The following CLYBL variants were observed in gnomAD, a reference collection of about 807,000 sequenced individuals.
CLYBL encodes the protein citramalyl-CoA lyase, mitochondrial.
CLYBL carries 31 observed loss-of-function variants against 38.9 expected under a neutral mutation model. The ratio of observed to expected loss-of-function variants is 0.80; its 90% confidence interval spans 0.60 to 1.08. CLYBL has a LOEUF of 1.08. Ranked by LOEUF, CLYBL falls within the 50% of genes least tolerant of loss-of-function variation. CLYBL has a pLI of 0.00. For missense variants in CLYBL, 434 were observed against 411.6 expected (o/e 1.05, Z -0.47); for synonymous variants, 171 against 158.6 (o/e 1.08, Z -0.59).
At chr13:99,787,971 A>G (rs1364869131) in intron 2 of CLYBL, among the ~76,000 whole-genome samples, 5 of 151,770 alleles carry the variant, frequency 3.3e-5, no homozygotes, top group Admixed American at 2.0e-4. Context: ...ATTGTGAATG[A>G]GAGTTCACTC....
At chr13:99,857,647 TC>T (rs1207787943) in intron 2 of CLYBL, among the ~76,000 whole-genome samples, 1 of 152,200 alleles carries the variant, frequency 6.6e-6, no homozygotes, top group African/African-American at 2.4e-5. Flanking sequence ...TCCTTGCTTC[TC>T]CCCGCTCATA....
chr13:99,721,575 C>G (rs1246007334), intron 1 of CLYBL, among the ~76,000 whole-genome samples: 1 of 151,064 alleles, frequency 6.6e-6, no homozygotes, highest in East Asian at 1.9e-4. Context: ...TGTGCTGCAC[C>G]CATTAACTCG....
intron 1 of CLYBL, among the ~76,000 whole-genome samples, chr13:99,702,895 T>C (rs75850527): frequency 0.04 from 6,066 of 152,292 alleles, 150 homozygotes; most frequent in Non-Finnish European, 0.049. Flanking sequence ...TCAGTTACCT[T>C]CCTGGAGGTG....
At chr13:99,864,933 CTCTTTT>C in intron 5 of CLYBL, 22 bp downstream of exon 5, 1 of 1,523,308 alleles carries the variant, frequency 6.6e-7, no homozygotes, top group African/African-American at 1.5e-5. Flanking sequence ...ATCTCTCTCT[CTCTTTT>C]TCTGTGTGTG....
intron 1 of CLYBL, among the ~76,000 whole-genome samples, chr13:99,630,343 A>G (rs964002073): frequency 6.6e-6 from 1 of 152,182 alleles, no homozygotes; most frequent in African/African-American, 2.4e-5. Flanking sequence ...TCATGCAAAT[A>G]ATATCTTTGT....
chr13:99,888,516 G>A (rs887115936), intron 7 of CLYBL, among the ~76,000 whole-genome samples: 10 of 152,122 alleles, frequency 6.6e-5, no homozygotes, highest in African/African-American at 2.2e-4. Flanking sequence ...TTGGGAGGCC[G>A]AGGTGGGCAG....
At chr13:99,757,444 T>C (rs2049084124) in intron 1 of CLYBL, among the ~76,000 whole-genome samples, 2 of 152,128 alleles carry the variant, frequency 1.3e-5, no homozygotes, top group Admixed American at 1.3e-4. Flanking sequence ...TGGCCACTTT[T>C]ATTTTATTTT....
intron 1 of CLYBL, among the ~76,000 whole-genome samples, chr13:99,681,248 G>A (rs986623068): frequency 2.0e-4 from 31 of 152,228 alleles, no homozygotes; most frequent in African/African-American, 1.7e-4. Flanking sequence ...TACTAGTATC[G>A]TACCCATGTT....
intron 2 of CLYBL, among the ~76,000 whole-genome samples, chr13:99,821,680 AC>A (rs1025686223): frequency 6.6e-6 from 1 of 152,204 alleles, no homozygotes. Context: ...AAAGTTGATC[AC>A]CTTTGCTTTC....
At chr13:99,812,945 T>G (rs540731941) in intron 2 of CLYBL, among the ~76,000 whole-genome samples, 3 of 152,360 alleles carry the variant, frequency 2.0e-5, no homozygotes, top group African/African-American at 7.2e-5. Flanking sequence ...TTTACCAGAT[T>G]GTGAAAATGA....
At chr13:99,830,781 C>T (rs895925585) in intron 2 of CLYBL, among the ~76,000 whole-genome samples, 1 of 152,190 alleles carries the variant, frequency 6.6e-6, no homozygotes, top group African/African-American at 2.4e-5. Flanking sequence ...GTGTTCATTC[C>T]ATTGTTCATG....
intron 2 of CLYBL, among the ~76,000 whole-genome samples, chr13:99,833,360 C>T (rs991054122): frequency 2.0e-5 from 3 of 151,600 alleles, no homozygotes; most frequent in Non-Finnish European, 2.9e-5. Context: ...TATTTTTATT[C>T]CACCAATTCT....
intron 1 of CLYBL, among the ~76,000 whole-genome samples, chr13:99,607,996 C>A (rs190453399): frequency 1.3e-4 from 20 of 151,130 alleles, no homozygotes; most frequent in African/African-American, 4.6e-4. Context: ...CCACCCGGAT[C>A]AGCCTCCCAA....
chr13:99,709,187 A>C (rs1038363252), intron 1 of CLYBL, among the ~76,000 whole-genome samples: 5 of 152,166 alleles, frequency 3.3e-5, no homozygotes, highest in Non-Finnish European at 7.4e-5. Context: ...GCACAGAGAT[A>C]GACATGCATA....
intron 1 of CLYBL, among the ~76,000 whole-genome samples, chr13:99,640,571 G>T (rs11838894): frequency 0.15 from 22,899 of 152,234 alleles, 1,820 homozygotes; most frequent in African/African-American, 0.16. Context: ...CCTTTTCAGC[G>T]TTGGTTAAGC....
chr13:99,803,961 G>A (rs2138953906), intron 2 of CLYBL, among the ~76,000 whole-genome samples: 1 of 152,248 alleles, frequency 6.6e-6, no homozygotes, highest in East Asian at 1.9e-4. Context: ...TCGTAGCCAT[G>A]AACTAGAGAA....
chr13:99,848,714 C>T (rs2051263479), intron 2 of CLYBL, among the ~76,000 whole-genome samples: 1 of 152,214 alleles, frequency 6.6e-6, no homozygotes, highest in South Asian at 2.1e-4. Context: ...CCCCTTGCTG[C>T]CCTGCTAGAA....
intron 1 of CLYBL, among the ~76,000 whole-genome samples, chr13:99,729,994 A>G (rs2048556770): frequency 6.6e-6 from 1 of 151,812 alleles, no homozygotes; most frequent in South Asian, 2.1e-4. Flanking sequence ...GTCCCTCATC[A>G]GCATTGCCGG....
chr13:99,783,017 C>T (rs927987229), intron 2 of CLYBL, among the ~76,000 whole-genome samples: 1 of 151,976 alleles, frequency 6.6e-6, no homozygotes, highest in East Asian at 1.9e-4. Flanking sequence ...TTAACCCATC[C>T]TCTGAGGTTT....
Sources: gnomAD v4.1 joint callset for allele counts (sites outside exome capture counted in the v4.1 genomes callset) on GRCh38, gnomAD v4.1.1 for gene constraint, MANE v1.5 for transcripts, NCBI Gene and HGNC (gene_info 2026-07-23, HGNC 2026-07-21) for gene names.